Variants in RPS6KA5 observed in about 807,000 individuals in gnomAD.
The protein encoded by RPS6KA5 is ribosomal protein S6 kinase A5.
A neutral mutation model predicts 85.5 loss-of-function variants in RPS6KA5; 27 were observed. The ratio of observed to expected loss-of-function variants is 0.32; its 90% CI spans 0.23 to 0.44. RPS6KA5 has a LOEUF of 0.44. Among genes scored for constraint, RPS6KA5 ranks in the 20% least tolerant of loss-of-function variants. RPS6KA5 has a pLI of 1.00. For missense variants in RPS6KA5, 811 were observed against 980.9 expected, an observed-to-expected ratio of 0.83 and a Z score of 2.31; for synonymous variants, 334 against 348.2, an observed-to-expected ratio of 0.96 and a Z score of 0.46.
At chr14:91,044,440 A>G (rs1263601906) in intron 1 of RPS6KA5, among the ~76,000 whole-genome samples, 3 of 147,542 alleles carry the variant, frequency 2.0e-5, no homozygotes, top group Non-Finnish European at 4.5e-5. Context: ...AAAGAAAGAA[A>G]GAAAGAAAAT....
rs1389190946 is a variant in RPS6KA5 at position 90,853,537 on chromosome 14, A to AAATTTAGG, written c.*18529_*18536dup. 2 of 151,934 alleles carry AAATTTAGG rather than the reference A, an allele frequency of 1.3e-5. No individual in the cohort carries two copies. The highest frequency in any genetic ancestry group is 2.9e-5 in the Non-Finnish European group (2 of 67,972). The allele number at this position is 151,934 out of a possible 1,614,324, so 9.4% of individuals were successfully genotyped here. On this transcript the variant is annotated 3_prime_UTR_variant, in exon 17 of 17. Coordinates refer to ENST00000614987, the MANE Select transcript of RPS6KA5 (RefSeq NM_004755.4). Reference sequence around the variant, plus strand: ...CATCAATGGATGTTTTAAATACCTAAAATTTAGGTTGGGCACAGTGGCTCA... The same window carrying AAATTTAGG: ...CATCAATGGATGTTTTAAATACCTAAAATTTAGGAATTTAGGTTGGGCACAGTGGCTCA...
At position 90,879,852 on chromosome 14, in the gene RPS6KA5, C is replaced by T. The variant is rs7141107; in HGVS notation, c.1837-4492G>A. ...GGCTAGACTGCAGTGGCACGATCTT[C>T]GGCTCACTGCAACCCCTGCCTCCTG... On this transcript the variant is annotated intron_variant, in intron 14 of 16. Transcript: ENST00000614987. Among the ~76,000 whole-genome samples, 171 of 146,682 alleles carry T rather than the reference C, an allele frequency of 1.2e-3. 1 individual carries two copies. Among genetic ancestry groups the T allele is most frequent in the African/African-American group, 3.4e-3 (135 of 39,558 alleles).
chr14:90,881,759 C>G (rs1193746157), intron 14 of RPS6KA5, among the ~76,000 whole-genome samples: 1 of 152,292 alleles, frequency 6.6e-6, no homozygotes, highest in South Asian at 2.1e-4. Flanking sequence ...CCTCGGCCTC[C>G]CAAAGTGCTG....
At chr14:91,041,643 T>TTAGCCAGGTGCTAAGCTTA (rs1044445136) in intron 1 of RPS6KA5, among the ~76,000 whole-genome samples, 1 of 152,260 alleles carries the variant, frequency 6.6e-6, no homozygotes, top group Non-Finnish European at 1.5e-5. Context: ...TCCTTTTAAC[T>TTAGCCAGGTGCTAAGCTTA]GCCAGGTGCT....
In RPS6KA5 at chr14:90,862,986, T is replaced by A. The variant is rs1003785952; in HGVS notation, c.*9088A>T. ...ATTAGAAATAAAACAATCTGCTATA[T>A]GATATCTATAAAAAAATTAAATAAA... On this transcript the variant is annotated 3_prime_UTR_variant, in exon 17 of 17. Coordinates refer to ENST00000614987, the MANE Select transcript of RPS6KA5 (RefSeq NM_004755.4). The A allele has an allele frequency of 6.6e-6, 1 of 152,084 alleles. No individual in the cohort carries two copies. The highest frequency in any genetic ancestry group is 1.5e-5 in the Non-Finnish European group (1 of 68,026). The allele number at this position is 152,084 out of a possible 1,614,324, so 9.4% of individuals were successfully genotyped here.
chr14:90,920,331 A>G, intron 6 of RPS6KA5, 22 bp from the exon 7 acceptor site: 2 of 1,391,802 alleles, frequency 1.4e-6, no homozygotes, highest in Non-Finnish European at 2.0e-6. Flanking sequence ...CAATAATTTC[A>G]TTTTATAGAA....
At chr14:90,974,208 A>C (rs1239156989) in intron 3 of RPS6KA5, among the ~76,000 whole-genome samples, 1 of 152,202 alleles carries the variant, frequency 6.6e-6, no homozygotes, top group Non-Finnish European at 1.5e-5. Context: ...ACGTGATATA[A>C]CATGAAATAC....
chr14:91,042,352 A>C (rs1268378375), intron 1 of RPS6KA5, among the ~76,000 whole-genome samples: 2 of 152,168 alleles, frequency 1.3e-5, no homozygotes, highest in African/African-American at 4.8e-5. Context: ...TACTAAAAAT[A>C]CAAAAAAAAA....
In RPS6KA5 at chr14:90,873,691, G is replaced by A; in HGVS notation, c.2101C>T (p.Pro701Ser). The change falls in exon 16 of 17, where the codon CCG becomes TCG. Residue 701 changes from proline (P) to serine (S), a missense_variant. Pro to Ser is a moderately conservative substitution (Grantham distance 74, BLOSUM62 -1). Coordinates refer to ENST00000614987, the MANE Select transcript of RPS6KA5 (RefSeq NM_004755.4). ...SQLSSNPLMTPDILGSSGAAV... is the reference protein window; with the variant it reads ...SQLSSNPLMTSDILGSSGAAV... ...GCTCCGGAAGATCCTAGAATATCCG[G>A]AGTCATCAGAGGATTGGAGGACAGC... The A allele has an allele frequency of 1.2e-6, 2 of 1,614,146 alleles. No individual in the cohort carries two copies. Among genetic ancestry groups the A allele is most frequent in the South Asian group, 1.1e-5 (1 of 91,082 alleles).
Position 91,029,056 on chromosome 14 carries a change from A to G in RPS6KA5, c.104-27897T>C, listed in dbSNP as rs148939888. 1.5e-3 allele frequency among the ~76,000 whole-genome samples: 231 copies of G among 152,312 alleles called. 2 individuals are homozygous for G. Among genetic ancestry groups the G allele is most frequent in the African/African-American group, 5.1e-3 (214 of 41,578 alleles). On this transcript the variant is annotated intron_variant, in intron 1 of 16. Coordinates refer to ENST00000614987, the MANE Select transcript of RPS6KA5 (RefSeq NM_004755.4). Reference sequence around the variant, plus strand: ...CTGGAAGTAAAAAGGCAAGTTTTAAAGTATCTATAATATCTGGATGATAGC... The same window carrying G: ...CTGGAAGTAAAAAGGCAAGTTTTAAGGTATCTATAATATCTGGATGATAGC...
chr14:91,023,346 T>C (rs2041865730), intron 1 of RPS6KA5, among the ~76,000 whole-genome samples: 1 of 151,728 alleles, frequency 6.6e-6, no homozygotes, highest in Admixed American at 6.6e-5. Flanking sequence ...TGGACTGCAA[T>C]GGTGTGATCT....
intron 14 of RPS6KA5, among the ~76,000 whole-genome samples, chr14:90,886,061 G>A (rs955716111): frequency 6.6e-6 from 1 of 151,868 alleles, no homozygotes; most frequent in East Asian, 1.9e-4. Context: ...GCAAGGTATA[G>A]CTCTATCTCT....
chr14:90,934,845 A>G (rs765302327), intron 5 of RPS6KA5, among the ~76,000 whole-genome samples: 1 of 152,208 alleles, frequency 6.6e-6, no homozygotes, highest in Non-Finnish European at 1.5e-5. Flanking sequence ...GAACGGCTCA[A>G]GCTAATGTGT....
chr14:90,878,699 A>G (rs1341857151), intron 14 of RPS6KA5, among the ~76,000 whole-genome samples: 1 of 152,218 alleles, frequency 6.6e-6, no homozygotes, highest in Non-Finnish European at 1.5e-5. Context: ...ATAATGAAAC[A>G]TCCTCCTCTA....
intron 5 of RPS6KA5, among the ~76,000 whole-genome samples, chr14:90,926,075 G>A (rs2036652097): frequency 1.3e-5 from 2 of 152,164 alleles, no homozygotes; most frequent in East Asian, 3.9e-4. Flanking sequence ...GTAAATTAGA[G>A]GATACTTTTG....
intron 4 of RPS6KA5, among the ~76,000 whole-genome samples, chr14:90,945,206 C>T (rs1394506022): frequency 2.0e-5 from 3 of 151,962 alleles, no homozygotes; most frequent in Non-Finnish European, 2.9e-5. Flanking sequence ...GAGCTGTGAT[C>T]GTGCCACTGC....
At position 91,060,379 on chromosome 14, in the gene RPS6KA5, C is replaced by A. The variant is rs776541777; in HGVS notation, c.56G>T (p.Gly19Val). 4.6e-6 allele frequency: 7 copies of A among 1,508,394 alleles called. No individual in the cohort carries two copies. In the East Asian group the frequency reaches 1.1e-4, roughly 23 times the overall value. 93.4% of individuals were successfully genotyped at this position (1,508,394 alleles called of 1,614,324 possible). A position where few individuals can be genotyped will look rare whatever the true frequency, so the allele number is the denominator to read the frequency against. Residue 19 changes from glycine (G) to valine (V), a missense_variant, in exon 1 of 17, where the codon GGC becomes GTC. Gly to Val is a moderately radical substitution (Grantham distance 109). Transcript: ENST00000614987. ...AGTGAGGAGCTGCTCTCCTCCGTCG[C>A]CGCCGTCCGCGCTGGTCCCCGCGGC... ...GGAAGTSADG[G>V]DGGEQLLTVK...
At chr14:91,035,860 A>AAAAAAAC in intron 1 of RPS6KA5, among the ~76,000 whole-genome samples, 1 of 128,712 alleles carries the variant, frequency 7.8e-6, no homozygotes, top group African/African-American at 2.8e-5. Flanking sequence ...AAAAAAAAAA[A>AAAAAAAC]AAAAAAAAAA....
chr14:90,900,824 A>AAG, intron 9 of RPS6KA5, 88 bp from the exon 10 acceptor site: 1 of 1,081,094 alleles, frequency 9.2e-7, no homozygotes, highest in Non-Finnish European at 1.3e-6. Context: ...TTTTTTCCTT[A>AAG]GAAAAACACT....
Sources: gnomAD v4.1 joint callset for allele counts (sites outside exome capture counted in the v4.1 genomes callset) on GRCh38, gnomAD v4.1.1 for gene constraint, MANE v1.5 for transcripts, NCBI Gene and HGNC (gene_info 2026-07-23, HGNC 2026-07-21) for gene names.